The following SPINK5 variants were observed in gnomAD, a reference collection of about 807,000 sequenced individuals.
The protein encoded by SPINK5 is serine protease inhibitor Kazal-type 5.
Under a neutral mutation model 151.8 loss-of-function variants are expected in SPINK5, and 125 were observed. The observed-to-expected ratio is 0.82, with a 90% CI of 0.71 to 0.96. The LOEUF is 0.96. Ranked by LOEUF, SPINK5 falls within the 40% of genes least tolerant of loss-of-function variation. The probability of loss-of-function intolerance (pLI) is 0.00; values close to 1 mark genes in which losing one functional copy is unlikely to be tolerated. For missense variants in SPINK5, 1,194 were observed against 1,291.9 expected, an observed-to-expected ratio of 0.92 and a Z score of 1.16; for synonymous variants, 374 against 395.3, an observed-to-expected ratio of 0.95 and a Z score of 0.64.
At chr5:148,108,892 G>C (rs191443800) in intron 18 of SPINK5, 55 bp downstream of exon 18, 1 of 1,604,218 alleles carries the variant, frequency 6.2e-7, no homozygotes, top group African/African-American at 1.3e-5. Context: ...ACTCTCCCTA[G>C]GGAGGGCTCC....
In SPINK5 at chr5:148,088,559, T is replaced by C. The variant is rs1340760989; in HGVS notation, c.428T>C (p.Ile143Thr). 3.7e-6 allele frequency: 6 copies of C among 1,611,560 alleles called. No individual in the cohort carries two copies. The South Asian group carries it at 6.6e-5, about 18-fold the overall frequency. The part of the protein sequence containing the change: ...CAENAKTGSQ[I>T]GVKSEGECKS... ...GATTCTAGGAAAACCGGGTCCCAAA[T>C]TGGTGTAAAAAGTGAAGGGGAATGT... Residue 143 changes from isoleucine to threonine, a missense_variant, in exon 6 of 33, where the codon ATT (isoleucine) becomes ACT (threonine). By Grantham distance (89) the Ile-to-Thr change is moderately conservative (BLOSUM62 -1). Coordinates refer to ENST00000256084, the MANE Select transcript of SPINK5 (RefSeq NM_006846.4).
rs1417636960 is a variant in SPINK5, at chr5:148,097,950, T to C, written c.966T>C (p.Asp322=). The C allele has an allele frequency of 6.2e-7, 1 of 1,612,142 alleles. No individual in the cohort carries two copies. The highest frequency in any genetic ancestry group is 1.3e-5 in the African/African-American group (1 of 74,814). The change falls in exon 11 of 33, where the codon GAT becomes GAC. Residue 322 remains aspartate (D), a synonymous_variant. Coordinates refer to ENST00000256084, the MANE Select transcript of SPINK5 (RefSeq NM_006846.4). ...AAAATGACCCTATTCGTGGTCCAGA[T>C]GGGAAAATGCATGGCAACTTGTGTT... The part of the protein sequence containing the change: ...TRENDPIRGP[D]GKMHGNLCSM...
At chr5:148,123,997 T>G (rs1352334004) in intron 27 of SPINK5, 37 bp downstream of exon 27, 3 of 1,611,844 alleles carry the variant, frequency 1.9e-6, no homozygotes, top group African/African-American at 1.3e-5. Context: ...TTGATAGTTG[T>G]GCCTGTTTGC....
At chr5:148,089,413 T>G in intron 6 of SPINK5, 81 bp from the exon 7 acceptor site, 8 of 1,599,680 alleles carry the variant, frequency 5.0e-6, no homozygotes, top group Non-Finnish European at 6.0e-6. Context: ...TCAGAGGGAC[T>G]GAGTTCAATA....
Position 148,089,528 on chromosome 5 carries a change from A to G in SPINK5, c.509A>G (p.Asp170Gly), listed in dbSNP as rs1753251799. ...AGTGCTTTTCGGCCCTTTGTTAGAG[A>G]TGGAAGACTTGGATGCACAAGGGAA... ...VCSAFRPFVR[D>G]GRLGCTREND... Residue 170 changes from aspartate to glycine, a missense_variant, in exon 7 of 33, where the codon GAT becomes GGT. Asp to Gly is a moderately conservative substitution (Grantham distance 94). Coordinates refer to ENST00000256084, the MANE Select transcript of SPINK5 (RefSeq NM_006846.4). 1.9e-6 allele frequency: 3 copies of G among 1,611,908 alleles called. No homozygotes were observed. The African/African-American group carries it at 4.0e-5, about 22-fold the overall frequency.
intron 32 of SPINK5, 64 bp downstream of exon 32, chr5:148,133,951 T>A: frequency 6.5e-7 from 1 of 1,548,908 alleles, no homozygotes. Flanking sequence ...TCTGGTTTTG[T>A]TCTCTTCCAC....
chr5:148,133,469 C>G (rs1235437769), intron 31 of SPINK5, among the ~76,000 whole-genome samples: 1 of 152,196 alleles, frequency 6.6e-6, no homozygotes, highest in East Asian at 1.9e-4. Context: ...AGTCAAACAT[C>G]TCTCTGGGAT....
chr5:148,082,505 G>T (rs867800478), intron 4 of SPINK5, among the ~76,000 whole-genome samples: 2 of 150,258 alleles, frequency 1.3e-5, no homozygotes, highest in Non-Finnish European at 3.0e-5. Flanking sequence ...TTAAATTTTG[G>T]TCAGAGAATA....
At chr5:148,107,013 G>C (rs369742687) in intron 16 of SPINK5, 24 bp from the exon 17 acceptor site, 13 of 1,609,208 alleles carry the variant, frequency 8.1e-6, no homozygotes, top group Non-Finnish European at 1.0e-5. Flanking sequence ...ACTACTCTGA[G>C]AAAATATTTT....
At chr5:148,075,181 C>A (rs370218432) in intron 4 of SPINK5, among the ~76,000 whole-genome samples, 1 of 151,496 alleles carries the variant, frequency 6.6e-6, no homozygotes, top group South Asian at 2.1e-4. Flanking sequence ...AAGGGAATAC[C>A]TCTAAAGTTT....
intron 4 of SPINK5, 29 bp downstream of exon 4, chr5:148,072,249 C>A (rs1308575228): frequency 1.9e-6 from 3 of 1,603,548 alleles, no homozygotes; most frequent in African/African-American, 2.7e-5. Flanking sequence ...AACCTGTTTA[C>A]TTTTGAGAGG....
intron 4 of SPINK5, among the ~76,000 whole-genome samples, chr5:148,084,675 GA>G: frequency 6.6e-6 from 1 of 151,894 alleles, no homozygotes; most frequent in South Asian, 2.1e-4. Flanking sequence ...ATTTTTGAGA[GA>G]AAACCAAGAG....
At chr5:148,108,971 T>C (rs1753851399) in intron 18 of SPINK5, 134 bp downstream of exon 18, 4 of 1,443,704 alleles carry the variant, frequency 2.8e-6, no homozygotes, top group Admixed American at 3.7e-5. Flanking sequence ...TGGATCCCCA[T>C]ATACAAGAGT....
intron 2 of SPINK5, 71 bp downstream of exon 2, chr5:148,065,443 C>T (rs1178662975): frequency 6.6e-7 from 1 of 1,521,744 alleles, no homozygotes; most frequent in Non-Finnish European, 9.1e-7. Flanking sequence ...GTGGCCAACA[C>T]CTTCATGTTA....
intron 32 of SPINK5, among the ~76,000 whole-genome samples, chr5:148,134,773 A>C (rs1297471347): frequency 6.6e-6 from 1 of 152,054 alleles, no homozygotes; most frequent in Non-Finnish European, 1.5e-5. Context: ...ATGTGTAATA[A>C]ACAATATTTT....
chr5:148,118,122 G>A (rs1431417432), intron 22 of SPINK5, among the ~76,000 whole-genome samples: 5 of 152,074 alleles, frequency 3.3e-5, no homozygotes, highest in Non-Finnish European at 7.4e-5. Flanking sequence ...GGGTTCAAAC[G>A]ATTCTCCTGC....
chr5:148,069,404 C>T (rs561740514), intron 2 of SPINK5, among the ~76,000 whole-genome samples: 2 of 150,712 alleles, frequency 1.3e-5, no homozygotes, highest in Non-Finnish European at 2.9e-5. Flanking sequence ...TTTACAAAAC[C>T]AAAAGCCCAA....
chr5:148,083,056 T>G (rs1753062212), intron 4 of SPINK5, among the ~76,000 whole-genome samples: 1 of 151,350 alleles, frequency 6.6e-6, no homozygotes, highest in African/African-American at 2.4e-5. Flanking sequence ...ATTGATTTAT[T>G]TAAGTCTATT....
intron 15 of SPINK5, among the ~76,000 whole-genome samples, chr5:148,104,040 C>A (rs1348054088): frequency 1.3e-5 from 2 of 152,130 alleles, no homozygotes; most frequent in African/African-American, 4.8e-5. Flanking sequence ...AGGAAAGTTT[C>A]CTTTCAATAA....
Sources: allele counts gnomAD v4.1 joint callset (sites outside exome capture counted in the v4.1 genomes callset), GRCh38; gene constraint gnomAD v4.1.1; transcripts MANE v1.5; gene names NCBI Gene and HGNC (gene_info 2026-07-23, HGNC 2026-07-21).